NEGR1: variants seen among roughly 807,000 people sequenced by gnomAD.
NEGR1 encodes IgLON family member 4.
In NEGR1, 10 loss-of-function variants were observed where a neutral mutation model predicts 40.9. That is an observed-to-expected ratio of 0.24 (90% CI 0.15 to 0.42). The LOEUF is 0.42. NEGR1 is among the 10% of genes least tolerant of loss of function. NEGR1 has a pLI of 1.00. For synonymous variants in NEGR1, 185 were observed against 166.8 expected, an observed-to-expected ratio of 1.11 and a Z score of -0.84; for missense variants, 352 against 438.9, an observed-to-expected ratio of 0.80 and a Z score of 1.77.
At chr1:71,910,253 C>T (rs1661389437) in intron 2 of NEGR1, among the ~76,000 whole-genome samples, 1 of 152,130 alleles carries the variant, frequency 6.6e-6, no homozygotes, top group African/African-American at 2.4e-5. Flanking sequence ...GACTTAGAAT[C>T]CAGTGTATAA....
rs181003883 is a variant in NEGR1 at position 71,947,411 on chromosome 1, T to C, written c.177-12100A>G. Among the ~76,000 whole-genome samples, 17 of 152,194 alleles carry C rather than the reference T, an allele frequency of 1.1e-4. No homozygotes were observed. In the South Asian group the frequency reaches 2.7e-3, roughly 24 times the overall value. ...GTCTATGGGAATGGAAGGTGTCCTA[T>C]TTAAGCAATACTACTAATTCTTCAA... On this transcript the variant is annotated intron_variant, in intron 1 of 6. Transcript: ENST00000357731.
At chr1:71,581,283 T>C (rs1649125780) in intron 6 of NEGR1, among the ~76,000 whole-genome samples, 1 of 152,176 alleles carries the variant, frequency 6.6e-6, no homozygotes, top group African/African-American at 2.4e-5. Flanking sequence ...TATTGCTTAG[T>C]TCATTGTCGA....
At chr1:72,210,334 TA>T (rs2100461881) in intron 1 of NEGR1, among the ~76,000 whole-genome samples, 1 of 151,950 alleles carries the variant, frequency 6.6e-6, no homozygotes, top group African/African-American at 2.4e-5. Flanking sequence ...TGAGTACACA[TA>T]TTTTTAATAT....
intron 6 of NEGR1, among the ~76,000 whole-genome samples, chr1:71,438,546 T>A (rs1004257551): frequency 1.3e-5 from 2 of 152,268 alleles, no homozygotes; most frequent in African/African-American, 4.8e-5. Flanking sequence ...TGTTTTAGGA[T>A]TTTTTGTTTG....
chr1:71,638,273 A>G (rs549238439), intron 4 of NEGR1, among the ~76,000 whole-genome samples: 1 of 152,164 alleles, frequency 6.6e-6, no homozygotes, highest in Non-Finnish European at 1.5e-5. Flanking sequence ...TGCTCTCATC[A>G]TATGAATCAC....
intron 2 of NEGR1, among the ~76,000 whole-genome samples, chr1:71,918,173 C>A (rs1197151877): frequency 1.4e-4 from 18 of 125,886 alleles, no homozygotes; most frequent in Non-Finnish European, 2.7e-4. Context: ...GCCGAGATTG[C>A]GCCACTGCAC....
intron 1 of NEGR1, among the ~76,000 whole-genome samples, chr1:72,261,148 G>T (rs2100545288): frequency 6.6e-6 from 1 of 152,042 alleles, no homozygotes; most frequent in East Asian, 1.9e-4. Flanking sequence ...TAAACAGATG[G>T]CCACAGAATA....
At chr1:71,858,229 C>T (rs1227776615) in intron 2 of NEGR1, among the ~76,000 whole-genome samples, 6 of 152,042 alleles carry the variant, frequency 3.9e-5, no homozygotes, top group African/African-American at 1.4e-4. Context: ...CCAAAGCTCA[C>T]AGTGAAATAT....
intron 2 of NEGR1, among the ~76,000 whole-genome samples, chr1:71,847,057 A>G (rs978928061): frequency 1.3e-5 from 2 of 151,900 alleles, no homozygotes; most frequent in Non-Finnish European, 2.9e-5. Flanking sequence ...TCACATTACT[A>G]CTCTGTATAC....
chr1:71,573,968 C>T (rs1231982322), intron 6 of NEGR1, among the ~76,000 whole-genome samples: 1 of 152,168 alleles, frequency 6.6e-6, no homozygotes, highest in African/African-American at 2.4e-5. Context: ...TTATGGGTCT[C>T]TTGCACTGCT....
intron 1 of NEGR1, among the ~76,000 whole-genome samples, chr1:72,262,192 C>T (rs999583165): frequency 2.0e-5 from 3 of 151,784 alleles, no homozygotes; most frequent in Admixed American, 1.3e-4. Context: ...GCCAACAAAG[C>T]CAGAATGGTA....
chr1:71,698,365 A>T (rs1339739463), intron 3 of NEGR1, among the ~76,000 whole-genome samples: 2 of 151,874 alleles, frequency 1.3e-5, no homozygotes, highest in Non-Finnish European at 2.9e-5. Context: ...CAGGATATAC[A>T]TGTGTTCTTT....
chr1:72,162,970 T>C (rs1651632714), intron 1 of NEGR1, among the ~76,000 whole-genome samples: 1 of 152,150 alleles, frequency 6.6e-6, no homozygotes, highest in Admixed American at 6.5e-5. Flanking sequence ...TGCTGTGTTC[T>C]AGACAATTTT....
At chr1:72,087,242 C>A (rs940033623) in intron 1 of NEGR1, among the ~76,000 whole-genome samples, 9 of 152,026 alleles carry the variant, frequency 5.9e-5, no homozygotes, top group Non-Finnish European at 1.3e-4. Context: ...CATGGTCAAA[C>A]CCCGTCTCTA....
intron 1 of NEGR1, among the ~76,000 whole-genome samples, chr1:72,044,463 C>A (rs1357568580): frequency 6.6e-6 from 1 of 151,614 alleles, no homozygotes; most frequent in African/African-American, 2.4e-5. Context: ...AATTTGAATG[C>A]CATGTGAATG....
intron 1 of NEGR1, among the ~76,000 whole-genome samples, chr1:71,982,525 A>G (rs1646362506): frequency 6.6e-6 from 1 of 152,062 alleles, no homozygotes; most frequent in South Asian, 2.1e-4. Context: ...TTGTTTTTTC[A>G]TTTGCTTTCC....
chr1:71,915,899 G>T (rs1045315155), intron 2 of NEGR1, among the ~76,000 whole-genome samples: 3 of 152,192 alleles, frequency 2.0e-5, no homozygotes, highest in Middle Eastern at 6.3e-3. Context: ...ACAAGTAACA[G>T]ACTATGATAG....
chr1:71,615,014 AT>A (rs1650399899), intron 4 of NEGR1, among the ~76,000 whole-genome samples: 1 of 151,960 alleles, frequency 6.6e-6, no homozygotes, highest in Non-Finnish European at 1.5e-5. Context: ...TCCTAAGAGC[AT>A]TTTGCAAGGT....
chr1:72,087,012 C>T (rs1454022345), intron 1 of NEGR1, among the ~76,000 whole-genome samples: 1 of 152,106 alleles, frequency 6.6e-6, no homozygotes, highest in African/African-American at 2.4e-5. Context: ...TTTCATTTTA[C>T]TTCAACAATG....
Sources: allele counts gnomAD v4.1 joint callset (sites outside exome capture counted in the v4.1 genomes callset), GRCh38; gene constraint gnomAD v4.1.1; transcripts MANE v1.5; gene names NCBI Gene and HGNC (gene_info 2026-07-23, HGNC 2026-07-21).